The following APBA2 variants were observed in gnomAD, a reference collection of about 807,000 sequenced individuals.
APBA2 encodes the protein amyloid beta precursor protein binding family A member 2, also known as amyloid-beta A4 precursor protein-binding family A member 2.
In APBA2, 30 loss-of-function variants were observed where a neutral mutation model predicts 75.0. The ratio of observed to expected loss-of-function variants is 0.40; its 90% CI spans 0.30 to 0.54. The LOEUF (loss-of-function observed/expected upper bound fraction) is 0.54. Among genes scored for constraint, APBA2 ranks in the 20% least tolerant of loss-of-function variants. The pLI is 0.49. For missense variants in APBA2, 801 were observed against 1,016.1 expected, an observed-to-expected ratio of 0.79 and a Z score of 2.88; for synonymous variants, 444 against 409.6, an observed-to-expected ratio of 1.08 and a Z score of -1.01.
intron 8 of APBA2, among the ~76,000 whole-genome samples, chr15:29,096,136 C>G (rs1428041612): frequency 1.3e-5 from 2 of 152,186 alleles, no homozygotes; most frequent in Non-Finnish European, 2.9e-5. Flanking sequence ...GCTGAAGGTC[C>G]CTTTCCTGGC....
chr15:28,926,067 T>C (rs1263882289), intron 2 of APBA2, among the ~76,000 whole-genome samples: 1 of 152,190 alleles, frequency 6.6e-6, no homozygotes, highest in African/African-American at 2.4e-5. Context: ...CCAGTGTCTC[T>C]GCATTTAAAG....
At chr15:29,097,295 T>A (rs2043893911) in intron 8 of APBA2, among the ~76,000 whole-genome samples, 1 of 152,268 alleles carries the variant, frequency 6.6e-6, no homozygotes, top group Admixed American at 6.5e-5. Flanking sequence ...GGGCCTTGCT[T>A]GCCACTGGCA....
rs60211119 is a variant in APBA2, at chr15:29,025,950, CAA to C, written c.-40-27881_-40-27880del. 2.5e-3 allele frequency among the ~76,000 whole-genome samples: 295 copies of C among 117,286 alleles called. 2 individuals carry two copies. The South Asian group carries it at 0.043, about 17-fold the overall frequency. 76.9% of individuals were successfully genotyped at this position (117,286 alleles called of 152,430 possible). On this transcript the variant is annotated intron_variant, in intron 3 of 14. Coordinates refer to ENST00000683413, the MANE Select transcript of APBA2 (RefSeq NM_001353788.2). ...TGGGCGACAGAGCAAGACTCCGACT[CAA>C]AAAAAAAAAAAAAGAAAAGAAATGG...
intron 2 of APBA2, among the ~76,000 whole-genome samples, chr15:28,949,395 A>T (rs901419675): frequency 6.6e-6 from 1 of 152,108 alleles, no homozygotes; most frequent in East Asian, 1.9e-4. Context: ...GCATGGATGG[A>T]TGCGTTAACC....
At chr15:29,062,168 C>T (rs1332044209) in intron 4 of APBA2, among the ~76,000 whole-genome samples, 1 of 152,150 alleles carries the variant, frequency 6.6e-6, no homozygotes, top group African/African-American at 2.4e-5. Flanking sequence ...GAGTAGTCGG[C>T]TCCCTCCTTT....
chr15:29,025,950 CAAAA>C (rs60211119), intron 3 of APBA2, among the ~76,000 whole-genome samples: 1 of 117,340 alleles, frequency 8.5e-6, no homozygotes. Context: ...GACTCCGACT[CAAAA>C]AAAAAAAAAA....
At chr15:28,979,309 C>T (rs910745807) in intron 2 of APBA2, among the ~76,000 whole-genome samples, 2 of 152,344 alleles carry the variant, frequency 1.3e-5, no homozygotes, top group Admixed American at 1.3e-4. Flanking sequence ...ATGGTCCTCC[C>T]GGGTCCCGGT....
At chr15:28,901,192 C>T (rs1470960925) in intron 1 of APBA2, among the ~76,000 whole-genome samples, 3 of 152,218 alleles carry the variant, frequency 2.0e-5, no homozygotes, top group Non-Finnish European at 4.4e-5. Flanking sequence ...TTGGCTCTGT[C>T]CGGTGCTTGG....
At chr15:28,989,797 T>C (rs2038124285) in intron 2 of APBA2, among the ~76,000 whole-genome samples, 1 of 152,190 alleles carries the variant, frequency 6.6e-6, no homozygotes, top group African/African-American at 2.4e-5. Context: ...GACGTAGACG[T>C]GGCTAAGCTG....
chr15:28,963,754 A>C (rs2152741868), intron 2 of APBA2, among the ~76,000 whole-genome samples: 1 of 152,360 alleles, frequency 6.6e-6, no homozygotes, highest in Middle Eastern at 3.4e-3. Flanking sequence ...GAAATATTCA[A>C]GAAGATCCTG....
chr15:29,024,331 T>G (rs2152834635), intron 3 of APBA2, among the ~76,000 whole-genome samples: 1 of 152,334 alleles, frequency 6.6e-6, no homozygotes, highest in Admixed American at 6.5e-5. Context: ...GCATTCACAG[T>G]AATTCATTGA....
intron 1 of APBA2, among the ~76,000 whole-genome samples, chr15:28,910,001 G>A (rs1435342818): frequency 6.6e-6 from 1 of 152,158 alleles, no homozygotes; most frequent in Non-Finnish European, 1.5e-5. Context: ...CTCATAATGG[G>A]ATGCCAATAA....
chr15:29,114,092 G>T lies in APBA2; in HGVS notation c.2178+76G>T, dbSNP rs148758571. 439 of 1,597,978 alleles carry T rather than the reference G, an allele frequency of 2.7e-4. 2 individuals are homozygous for T. In the African/African-American group the frequency reaches 5.2e-3, roughly 19 times the overall value. On this transcript the variant is annotated intron_variant, in intron 14 of 14. Coordinates refer to ENST00000683413, the MANE Select transcript of APBA2 (RefSeq NM_001353788.2). ...CGCCTGCCCTCCATGAGCCTCCCCCGCTCCAGAGGACACAGGGCATCTGAA... is the reference window on the plus strand; with the variant it reads ...CGCCTGCCCTCCATGAGCCTCCCCCTCTCCAGAGGACACAGGGCATCTGAA...
At chr15:29,081,437 T>C (rs1490672677) in intron 6 of APBA2, among the ~76,000 whole-genome samples, 1 of 152,228 alleles carries the variant, frequency 6.6e-6, no homozygotes, top group African/African-American at 2.4e-5. Flanking sequence ...AAATCTGAAC[T>C]TTTATTCACT....
chr15:28,957,769 C>T (rs957989043), intron 2 of APBA2, among the ~76,000 whole-genome samples: 6 of 152,094 alleles, frequency 3.9e-5, no homozygotes, highest in Non-Finnish European at 7.3e-5. Context: ...GCATCAGGTT[C>T]GGGGTGATGG....
At chr15:29,103,490 G>C (rs981471735) in intron 10 of APBA2, among the ~76,000 whole-genome samples, 8 of 152,240 alleles carry the variant, frequency 5.3e-5, no homozygotes, top group South Asian at 2.1e-4. Context: ...GCCGCAGAGA[G>C]AGCCCCCTGA....
intron 1 of APBA2, among the ~76,000 whole-genome samples, chr15:28,892,864 C>T (rs191903424): frequency 6.8e-4 from 104 of 152,258 alleles, no homozygotes; most frequent in African/African-American, 2.2e-3. Flanking sequence ...TTGGAAAAAT[C>T]CATTGTTGCA....
At chr15:28,937,442 C>T (rs995706648) in intron 2 of APBA2, among the ~76,000 whole-genome samples, 5 of 152,108 alleles carry the variant, frequency 3.3e-5, no homozygotes, top group African/African-American at 4.8e-5. Context: ...CTCTGAACAT[C>T]GCTGGCAGGT....
chr15:29,002,235 G>T (rs991646542), intron 3 of APBA2, among the ~76,000 whole-genome samples: 3 of 152,188 alleles, frequency 2.0e-5, no homozygotes, highest in Non-Finnish European at 2.9e-5. Flanking sequence ...ATACCACAAG[G>T]TGTGCTTGGA....
Sources: allele counts gnomAD v4.1 joint callset (sites outside exome capture counted in the v4.1 genomes callset), GRCh38; gene constraint gnomAD v4.1.1; transcripts MANE v1.5; gene names NCBI Gene and HGNC (gene_info 2026-07-23, HGNC 2026-07-21).